The following GRIA1 variants were observed in gnomAD, a reference collection of about 807,000 sequenced individuals.
The protein encoded by GRIA1 is glutamate receptor 1.
In GRIA1, 31 loss-of-function variants were observed where a neutral mutation model predicts 99.2. The ratio of observed to expected loss-of-function variants is 0.31; its 90% CI spans 0.23 to 0.42. GRIA1 has a LOEUF of 0.42. Ranked by LOEUF, GRIA1 falls within the 10% of genes least tolerant of loss-of-function variation. The pLI is 1.00. For synonymous variants in GRIA1, 438 were observed against 432.4 expected (o/e 1.01, Z -0.16); for missense variants, 782 against 1,157.5 (o/e 0.68, Z 4.71).
intron 7 of GRIA1, among the ~76,000 whole-genome samples, chr5:153,679,796 A>AGCTT (rs1756846508): frequency 1.3e-5 from 2 of 152,228 alleles, no homozygotes; most frequent in African/African-American, 4.8e-5. Context: ...CCTGTGGTTT[A>AGCTT]GCTTGTGTTA....
At chr5:153,573,594 A>G (rs1312983720) in intron 2 of GRIA1, among the ~76,000 whole-genome samples, 1 of 152,166 alleles carries the variant, frequency 6.6e-6, no homozygotes, top group African/African-American at 2.4e-5. Context: ...GTGAGATTTT[A>G]GGCAAGTCAT....
intron 2 of GRIA1, among the ~76,000 whole-genome samples, chr5:153,576,480 A>G (rs1180417656): frequency 2.0e-5 from 3 of 152,214 alleles, no homozygotes; most frequent in Admixed American, 1.3e-4. Flanking sequence ...AAATATTCCA[A>G]TCTTTGATAC....
chr5:153,622,583 A>C (rs989005995), intron 2 of GRIA1, among the ~76,000 whole-genome samples: 1 of 142,924 alleles, frequency 7.0e-6, no homozygotes, highest in Non-Finnish European at 1.6e-5. Flanking sequence ...TGTAAAGTTA[A>C]ACCACGCCTA....
At chr5:153,729,569 G>A (rs549370737) in intron 11 of GRIA1, among the ~76,000 whole-genome samples, 2 of 152,044 alleles carry the variant, frequency 1.3e-5, no homozygotes, top group East Asian at 1.9e-4. Flanking sequence ...TTCACAGAAA[G>A]AGCAAACTCA....
At chr5:153,492,186 T>C (rs1206134492) in intron 1 of GRIA1, 1 of 1,524,326 alleles carries the variant, frequency 6.6e-7, no homozygotes, top group Admixed American at 2.0e-5. Context: ...AATTGATATT[T>C]TGTCGGGCAT....
intron 2 of GRIA1, among the ~76,000 whole-genome samples, chr5:153,574,092 G>C (rs533564152): frequency 6.6e-6 from 1 of 152,228 alleles, no homozygotes; most frequent in African/African-American, 2.4e-5. Flanking sequence ...CTGGGGTCTG[G>C]AAATGGGAGA....
rs546718309 is a variant in GRIA1 at position 153,684,545 on chromosome 5, T to C, written c.1030-1680T>C. ...CCTGTTTGGATAATTAATGACACTTTCAGTTTGGGCAAATCAGTCTACCAG... is the reference window on the plus strand; with the variant it reads ...CCTGTTTGGATAATTAATGACACTTCCAGTTTGGGCAAATCAGTCTACCAG... On this transcript the variant is annotated intron_variant, in intron 7 of 15. Coordinates refer to ENST00000285900, the MANE Select transcript of GRIA1 (RefSeq NM_000827.4). 3.3e-5 allele frequency among the ~76,000 whole-genome samples: 5 copies of C among 152,316 alleles called. No individual in the cohort carries two copies. In the East Asian group the frequency reaches 7.7e-4, roughly 23 times the overall value.
intron 2 of GRIA1, among the ~76,000 whole-genome samples, chr5:153,571,303 G>A (rs977703439): frequency 6.6e-6 from 1 of 152,138 alleles, no homozygotes; most frequent in African/African-American, 2.4e-5. Context: ...AGGCTCACGG[G>A]GTAGCCAGTG....
At chr5:153,747,887 C>A (rs1316624444) in intron 11 of GRIA1, among the ~76,000 whole-genome samples, 1 of 152,220 alleles carries the variant, frequency 6.6e-6, no homozygotes, top group African/African-American at 2.4e-5. Context: ...CACATCTCTT[C>A]TATTAAATTG....
chr5:153,491,245 GAA>G, intron 1 of GRIA1: 1 of 1,242,238 alleles, frequency 8.0e-7, no homozygotes, highest in East Asian at 3.1e-5. Flanking sequence ...CGCTTTGGAG[GAA>G]AAAAAAAATC....
At chr5:153,590,011 G>T (rs1011884965) in intron 2 of GRIA1, among the ~76,000 whole-genome samples, 1 of 151,996 alleles carries the variant, frequency 6.6e-6, no homozygotes, top group Non-Finnish European at 1.5e-5. Context: ...AATTAATATT[G>T]GTGATTCAAA....
At chr5:153,795,658 C>A in intron 14 of GRIA1, 1 of 918,708 alleles carries the variant, frequency 1.1e-6, no homozygotes, top group Non-Finnish European at 1.7e-6. Context: ...CAGTGTCCTC[C>A]GAGCCTCAGA....
chr5:153,638,677 T>G (rs17593426), intron 2 of GRIA1, among the ~76,000 whole-genome samples: 9,811 of 152,324 alleles, frequency 0.064, 449 homozygotes, highest in Non-Finnish European at 0.095. Context: ...CTGTCTTATA[T>G]GAGGCACTTT....
rs145573659 is a variant in GRIA1 at position 153,747,649 on chromosome 5, A to G, written c.1824-16785A>G. Among the ~76,000 whole-genome samples, 920 of 152,334 alleles carry G rather than the reference A, an allele frequency of 6.0e-3. 10 individuals carry two copies. The highest frequency in any genetic ancestry group is 0.021 in the African/African-American group (879 of 41,578). On this transcript the variant is annotated intron_variant, in intron 11 of 15. Transcript: ENST00000285900. ...ACATTCTTGTCCAAGCTTCCACACC[A>G]TAGTACAGGCTGTTCCTGCTCCAAG...
At chr5:153,678,745 G>A (rs1239424864) in intron 7 of GRIA1, among the ~76,000 whole-genome samples, 2 of 152,200 alleles carry the variant, frequency 1.3e-5, no homozygotes, top group East Asian at 3.9e-4. Flanking sequence ...ATAGTCTGAT[G>A]CCACCATGAC....
chr5:153,683,155 A>C (rs1376013376), intron 7 of GRIA1, among the ~76,000 whole-genome samples: 2 of 152,164 alleles, frequency 1.3e-5, no homozygotes, highest in African/African-American at 4.8e-5. Flanking sequence ...ATGGATGGGG[A>C]CAGTGGTTTC....
chr5:153,615,153 A>G (rs764432643), intron 2 of GRIA1, among the ~76,000 whole-genome samples: 1 of 152,260 alleles, frequency 6.6e-6, no homozygotes, highest in Non-Finnish European at 1.5e-5. Context: ...CCTAGCACAT[A>G]TAAGCACTCA....
At chr5:153,576,969 G>A (rs1365003758) in intron 2 of GRIA1, among the ~76,000 whole-genome samples, 1 of 145,400 alleles carries the variant, frequency 6.9e-6, no homozygotes, top group African/African-American at 2.5e-5. Context: ...TGGATGGATG[G>A]ATGGATGGAT....
At chr5:153,616,484 C>CA (rs879361330) in intron 2 of GRIA1, among the ~76,000 whole-genome samples, 89 of 148,376 alleles carry the variant, frequency 6.0e-4, no homozygotes, top group Middle Eastern at 3.4e-3. Flanking sequence ...AAAAAATTCG[C>CA]AAAAAAAAAA....
Sources: gnomAD v4.1 joint callset for allele counts (sites outside exome capture counted in the v4.1 genomes callset) on GRCh38, gnomAD v4.1.1 for gene constraint, MANE v1.5 for transcripts, NCBI Gene and HGNC (gene_info 2026-07-23, HGNC 2026-07-21) for gene names.